ATP8A1: variants seen among roughly 807,000 people sequenced by gnomAD.
ATP8A1 encodes the protein phospholipid-transporting ATPase IA.
A neutral mutation model predicts 177.7 loss-of-function variants in ATP8A1; 90 were observed. That is an observed-to-expected ratio of 0.51 (90% CI 0.43 to 0.60). The LOEUF (loss-of-function observed/expected upper bound fraction) is 0.60. Ranked by LOEUF, ATP8A1 falls within the 20% of genes least tolerant of loss-of-function variation. ATP8A1 has a pLI of 0.00. For missense variants in ATP8A1, 1,072 were observed against 1,392.8 expected, an observed-to-expected ratio of 0.77 and a Z score of 3.67; for synonymous variants, 493 against 485.9, an observed-to-expected ratio of 1.01 and a Z score of -0.19.
chr4:42,582,771 A>G (rs958208763), intron 9 of ATP8A1, among the ~76,000 whole-genome samples: 1 of 152,146 alleles, frequency 6.6e-6, no homozygotes, highest in Non-Finnish European at 1.5e-5. Context: ...CACATTTTTC[A>G]TGAATAAGGT....
chr4:42,443,434 A>C (rs554035754), intron 33 of ATP8A1, 131 bp downstream of exon 33: 33 of 533,660 alleles, frequency 6.2e-5, no homozygotes, highest in African/African-American at 6.2e-4. Context: ...ATTTAAAAAC[A>C]GCTTTTAAAT....
chr4:42,475,912 G>A (rs1035624967), intron 25 of ATP8A1, among the ~76,000 whole-genome samples: 2 of 151,944 alleles, frequency 1.3e-5, no homozygotes, highest in African/African-American at 2.4e-5. Flanking sequence ...GGTGGCGGGC[G>A]CCTGTAATCC....
rs370276735 is a variant in ATP8A1 at position 42,616,070 on chromosome 4, A to G, written c.372T>C (p.His124=). 6.2e-7 allele frequency: 1 copy of G among 1,611,714 alleles called. No homozygotes were observed. The change falls in exon 5 of 37, where the codon CAT becomes CAC. Residue 124 remains histidine (H), a synonymous_variant. Coordinates refer to ENST00000381668, the MANE Select transcript of ATP8A1 (RefSeq NM_006095.2). Reference sequence around the variant, plus strand: ...TCTTGTTCACTGCATTATCAGCTTTATGTCGTTTCTAAAGTTTAAAAGCAA... The same window carrying G: ...TCTTGTTCACTGCATTATCAGCTTTGTGTCGTTTCTAAAGTTTAAAAGCAA... ...IKEIIEDIKR[H]KADNAVNKKQ...
intron 25 of ATP8A1, among the ~76,000 whole-genome samples, chr4:42,480,210 A>C (rs1221922500): frequency 6.6e-6 from 1 of 152,152 alleles, no homozygotes; most frequent in Non-Finnish European, 1.5e-5. Flanking sequence ...AATAGGCTGT[A>C]ATATAGCCAT....
At chr4:42,562,424 C>T (rs1482845728) in intron 15 of ATP8A1, 1 of 155,036 alleles carries the variant, frequency 6.5e-6, no homozygotes. Flanking sequence ...TGCTGCTGCT[C>T]CTGGGACCTC....
intron 1 of ATP8A1, among the ~76,000 whole-genome samples, chr4:42,651,711 G>A (rs188189166): frequency 6.6e-4 from 100 of 152,246 alleles, no homozygotes; most frequent in African/African-American, 2.4e-3. Flanking sequence ...TAAAACTATT[G>A]TACATGATGG....
chr4:42,651,913 T>G (rs1452516069), intron 1 of ATP8A1, among the ~76,000 whole-genome samples: 1 of 152,254 alleles, frequency 6.6e-6, no homozygotes, highest in Non-Finnish European at 1.5e-5. Flanking sequence ...TCAGTCTGTT[T>G]CCAGATTTCA....
intron 7 of ATP8A1, among the ~76,000 whole-genome samples, chr4:42,590,084 A>C (rs1250890251): frequency 6.6e-6 from 1 of 152,226 alleles, no homozygotes; most frequent in African/African-American, 2.4e-5. Context: ...ATATTTCAGC[A>C]AATTATGATG....
intron 29 of ATP8A1, among the ~76,000 whole-genome samples, chr4:42,453,327 C>T (rs980915724): frequency 6.6e-6 from 1 of 152,174 alleles, no homozygotes; most frequent in African/African-American, 2.4e-5. Flanking sequence ...TTTTCAAACA[C>T]TTATATGAGA....
intron 15 of ATP8A1, among the ~76,000 whole-genome samples, chr4:42,559,283 T>C (rs957581422): frequency 2.0e-5 from 3 of 152,080 alleles, no homozygotes; most frequent in Non-Finnish European, 4.4e-5. Context: ...CTAATTTCCA[T>C]GGAATAAAAA....
chr4:42,651,125 T>G (rs553439852), intron 1 of ATP8A1, among the ~76,000 whole-genome samples: 1 of 152,164 alleles, frequency 6.6e-6, no homozygotes, highest in African/African-American at 2.4e-5. Context: ...CTGCCATCCA[T>G]GTAAGATCTG....
At chr4:42,455,847 C>T (rs924638008) in intron 27 of ATP8A1, among the ~76,000 whole-genome samples, 5 of 152,008 alleles carry the variant, frequency 3.3e-5, no homozygotes, top group Non-Finnish European at 5.9e-5. Flanking sequence ...CAGGCAATCA[C>T]GATTTAAAAA....
chr4:42,575,488 G>A (rs986324938), intron 13 of ATP8A1, 134 bp downstream of exon 13: 11 of 687,320 alleles, frequency 1.6e-5, no homozygotes, highest in Non-Finnish European at 2.5e-5. Flanking sequence ...TGTTCATCAT[G>A]CACTAACAAA....
At chr4:42,544,444 T>C (rs1426712412) in intron 19 of ATP8A1, among the ~76,000 whole-genome samples, 1 of 152,184 alleles carries the variant, frequency 6.6e-6, no homozygotes, top group African/African-American at 2.4e-5. Context: ...ACTAGTACTT[T>C]AAAAAACAAC....
intron 1 of ATP8A1, among the ~76,000 whole-genome samples, chr4:42,643,975 A>T (rs1362550643): frequency 1.3e-5 from 2 of 152,246 alleles, no homozygotes; most frequent in Non-Finnish European, 2.9e-5. Context: ...GTCACAAAAC[A>T]AAAAAGCCCT....
At chr4:42,632,185 C>A (rs748027560) in intron 1 of ATP8A1, among the ~76,000 whole-genome samples, 2 of 152,154 alleles carry the variant, frequency 1.3e-5, no homozygotes, top group Non-Finnish European at 2.9e-5. Flanking sequence ...TCTGGGAAAT[C>A]TTAGCTTCTT....
chr4:42,573,099 A>G (rs1177633246), intron 14 of ATP8A1, among the ~76,000 whole-genome samples: 1 of 152,212 alleles, frequency 6.6e-6, no homozygotes, highest in Non-Finnish European at 1.5e-5. Flanking sequence ...AAAACCTGAT[A>G]AAATGCGGAA....
chr4:42,567,883 G>C (rs1206867114), intron 15 of ATP8A1, among the ~76,000 whole-genome samples: 2 of 152,148 alleles, frequency 1.3e-5, no homozygotes, highest in African/African-American at 4.8e-5. Context: ...AAAATATGGA[G>C]AAGGCAATTT....
chr4:42,495,444 T>C (rs13105130), intron 24 of ATP8A1, among the ~76,000 whole-genome samples: 135,173 of 152,190 alleles, frequency 0.89, 60,826 homozygotes, highest in East Asian at 0.97. Flanking sequence ...CTACTGCAGG[T>C]GGTAGTAAAA....
Sources: allele counts gnomAD v4.1 joint callset (sites outside exome capture counted in the v4.1 genomes callset), GRCh38; gene constraint gnomAD v4.1.1; transcripts MANE v1.5; gene names NCBI Gene and HGNC (gene_info 2026-07-23, HGNC 2026-07-21).